NMT2: variants seen among roughly 807,000 people sequenced by gnomAD.
NMT2 encodes N-myristoyltransferase 2, also known as glycylpeptide N-tetradecanoyltransferase 2.
A neutral mutation model predicts 65.4 loss-of-function variants in NMT2; 35 were observed. The ratio of observed to expected loss-of-function variants is 0.54; its 90% confidence interval spans 0.41 to 0.71. NMT2 has a LOEUF of 0.71. Ranked by LOEUF, NMT2 falls within the 30% of genes least tolerant of loss-of-function variation. The pLI is 0.00. For synonymous variants in NMT2, 226 were observed against 231.8 expected, an observed-to-expected ratio of 0.98 and a Z score of 0.23; for missense variants, 489 against 611.3, an observed-to-expected ratio of 0.80 and a Z score of 2.11.
intron 8 of NMT2, among the ~76,000 whole-genome samples, chr10:15,126,240 C>A (rs986565743): frequency 6.6e-6 from 1 of 151,206 alleles, no homozygotes; most frequent in Non-Finnish European, 1.5e-5. Flanking sequence ...ACCAGCCTGA[C>A]TAATATGGTG....
Position 15,141,356 on chromosome 10 carries a change from T to C in NMT2, c.246+66A>G, listed in dbSNP as rs1846749204. ...CTACACATCTGATGCAGCAGCGCGC[T>C]AAACTGCGTAAACCCACTCATGCAC... is the stretch of plus-strand genomic sequence containing the variant. On this transcript the variant is annotated intron_variant, in intron 2 of 11. Transcript: ENST00000378165. The C allele has an allele frequency of 7.5e-6, 12 of 1,591,360 alleles. 1 individual carries two copies. In the South Asian group the frequency reaches 7.8e-5, roughly 10 times the overall value.
chr10:15,115,979 T>C (rs1020029123), intron 9 of NMT2, among the ~76,000 whole-genome samples: 6 of 152,216 alleles, frequency 3.9e-5, no homozygotes, highest in African/African-American at 1.4e-4. Flanking sequence ...AAATCCACAA[T>C]TACAGCTGGG....
At chr10:15,151,353 G>A (rs1832796687) in intron 1 of NMT2, among the ~76,000 whole-genome samples, 1 of 152,084 alleles carries the variant, frequency 6.6e-6, no homozygotes, top group Non-Finnish European at 1.5e-5. Context: ...CACAGTGCCT[G>A]GCCAGCCTCC....
At chr10:15,154,635 A>T (rs537341662) in intron 1 of NMT2, among the ~76,000 whole-genome samples, 3 of 152,264 alleles carry the variant, frequency 2.0e-5, no homozygotes, top group African/African-American at 7.2e-5. Context: ...TAACTCTGCA[A>T]TCCAGCTAGG....
chr10:15,165,325 A>G lies in NMT2; in HGVS notation c.110+3178T>C, dbSNP rs374750969. 9.0e-4 allele frequency among the ~76,000 whole-genome samples: 137 copies of G among 152,302 alleles called. 2 individuals are homozygous for G. Among genetic ancestry groups the G allele is most frequent in the African/African-American group, 3.2e-3 (131 of 41,550 alleles). Reference sequence around the variant, plus strand: ...GTAGAAAGTCTTTCCAGGCTCCTTCAAGCTCTTTATAAAGACCTACTCCCT... The same window carrying G: ...GTAGAAAGTCTTTCCAGGCTCCTTCGAGCTCTTTATAAAGACCTACTCCCT... On this transcript the variant is annotated intron_variant, in intron 1 of 11. Transcript: ENST00000378165.
chr10:15,111,654 T>C (rs1368065282), intron 10 of NMT2: 3 of 151,936 alleles, frequency 2.0e-5, no homozygotes, highest in Admixed American at 6.6e-5. Context: ...AAATGTGATA[T>C]AGAAGAAGCA....
intron 8 of NMT2, among the ~76,000 whole-genome samples, chr10:15,127,720 T>C (rs1019761743): frequency 6.6e-6 from 1 of 151,410 alleles, no homozygotes; most frequent in African/African-American, 2.4e-5. Flanking sequence ...CTGGCCAACA[T>C]GGTGAAACCC....
At chr10:15,164,958 G>A (rs969651008) in intron 1 of NMT2, among the ~76,000 whole-genome samples, 1 of 152,276 alleles carries the variant, frequency 6.6e-6, no homozygotes, top group South Asian at 2.1e-4. Context: ...CAGGTCAGGA[G>A]TTTGAGACCA....
chr10:15,168,455 C>T, intron 1 of NMT2, 48 bp downstream of exon 1: 2 of 1,408,548 alleles, frequency 1.4e-6, no homozygotes, highest in African/African-American at 1.5e-5. Context: ...CCGTGGCGCG[C>T]GCGGTCCCCG....
In NMT2 at chr10:15,107,996, G is replaced by A. The variant is rs886188579; in HGVS notation, c.*1199C>T. On this transcript the variant is annotated 3_prime_UTR_variant, in exon 12 of 12. Transcript: ENST00000378165. ...ATAAAATCAGCATAGAGGAGTATGT[G>A]CAATTTTGCATAAGTAATAAAAACA... 1 of 985,582 alleles carries A rather than the reference G, an allele frequency of 1.0e-6. No individual in the cohort carries two copies. Among genetic ancestry groups the A allele is most frequent in the African/African-American group, 1.7e-5 (1 of 57,218 alleles). The allele number at this position is 985,582 out of a possible 1,614,324, so 61.1% of individuals were successfully genotyped here.
chr10:15,107,428 C>G lies in NMT2; in HGVS notation c.*1767G>C. The G allele has an allele frequency of 1.0e-6, 1 of 985,442 alleles. No individual in the cohort carries two copies. Among genetic ancestry groups the G allele is most frequent in the Non-Finnish European group, 1.2e-6 (1 of 829,932 alleles). 61.0% of individuals were successfully genotyped at this position (985,442 alleles called of 1,614,324 possible). On this transcript the variant is annotated 3_prime_UTR_variant, in exon 12 of 12. Transcript: ENST00000378165. The stretch of plus-strand genomic sequence containing the variant: ...ACTTCTGCACTGAACTTCCTAGGCA[C>G]TGGCCCAGTAAAAGCAGGGAAAAGT...
At chr10:15,159,899 G>C (rs1279128210) in intron 1 of NMT2, among the ~76,000 whole-genome samples, 1 of 152,312 alleles carries the variant, frequency 6.6e-6, no homozygotes, top group African/African-American at 2.4e-5. Flanking sequence ...GGGAGATGAG[G>C]TGAGAGCAAC....
At chr10:15,151,067 T>C (rs1832785133) in intron 1 of NMT2, among the ~76,000 whole-genome samples, 2 of 151,802 alleles carry the variant, frequency 1.3e-5, no homozygotes, top group African/African-American at 2.4e-5. Context: ...TCCTTTTTTT[T>C]TTTTTTTGGA....
intron 10 of NMT2, among the ~76,000 whole-genome samples, 193 bp from the exon 11 acceptor site, chr10:15,110,032 T>C (rs1288080654): frequency 2.0e-5 from 3 of 151,688 alleles, no homozygotes; most frequent in African/African-American, 7.3e-5. Context: ...AGCACTTTGG[T>C]AGGCTGAGGT....
intron 11 of NMT2, among the ~76,000 whole-genome samples, 165 bp downstream of exon 11, chr10:15,109,537 C>T (rs915610059): frequency 1.1e-4 from 16 of 152,058 alleles, no homozygotes; most frequent in African/African-American, 3.6e-4. Context: ...TGCCATTGCA[C>T]TCCAGCCTGG....
At position 15,133,225 on chromosome 10, in the gene NMT2, A is replaced by G; in HGVS notation, c.510+20T>C. 2 of 1,606,886 alleles carry G rather than the reference A, an allele frequency of 1.2e-6. No homozygotes were observed. Among genetic ancestry groups the G allele is most frequent in the African/African-American group, 2.7e-5 (2 of 74,900 alleles). On this transcript the variant is annotated intron_variant, in intron 4 of 11. Coordinates refer to ENST00000378165, the MANE Select transcript of NMT2 (RefSeq NM_004808.3). ...TGTGTGAATGCAGGAGTTGAATTTA[A>G]GAGGTTTTTACTCACTCACCACTTC...
At position 15,168,685 on chromosome 10, in the gene NMT2, C is replaced by T. The variant is rs998545049; in HGVS notation, c.-73G>A. 8.6e-7 allele frequency: 1 copy of T among 1,156,936 alleles called. No individual in the cohort carries two copies. Among genetic ancestry groups the T allele is most frequent in the Non-Finnish European group, 1.2e-6 (1 of 832,418 alleles). The allele number at this position is 1,156,936 out of a possible 1,614,324, so 71.7% of individuals were successfully genotyped here. Reference sequence around the variant, plus strand: ...GGCCGCAGCTCCCTCTAGTGCCTCCCGCCGTACTGCTTGGAGTCGGAGCCC... The same window carrying T: ...GGCCGCAGCTCCCTCTAGTGCCTCCTGCCGTACTGCTTGGAGTCGGAGCCC... On this transcript the variant is annotated 5_prime_UTR_variant, in exon 1 of 12. Coordinates refer to ENST00000378165, the MANE Select transcript of NMT2 (RefSeq NM_004808.3).
At chr10:15,140,615 T>C (rs936845165) in intron 2 of NMT2, among the ~76,000 whole-genome samples, 1 of 152,066 alleles carries the variant, frequency 6.6e-6, no homozygotes, top group African/African-American at 2.4e-5. Context: ...ACTCCTGGGC[T>C]CAATGGATCC....
intron 1 of NMT2, among the ~76,000 whole-genome samples, chr10:15,164,464 A>C (rs530067130): frequency 6.6e-6 from 1 of 152,298 alleles, no homozygotes; most frequent in East Asian, 1.9e-4. Context: ...TTCAACACGA[A>C]TTTTATTTGA....
Sources: allele counts gnomAD v4.1 joint callset (sites outside exome capture counted in the v4.1 genomes callset), GRCh38; gene constraint gnomAD v4.1.1; transcripts MANE v1.5; gene names NCBI Gene and HGNC (gene_info 2026-07-23, HGNC 2026-07-21).